KCNQ1: variants seen among roughly 807,000 people sequenced by gnomAD.
KCNQ1 encodes potassium voltage-gated channel subfamily Q member 1.
A neutral mutation model predicts 72.4 loss-of-function variants in KCNQ1; 49 were observed. That is an observed-to-expected ratio of 0.68 (90% CI 0.54 to 0.86). The LOEUF is 0.86. Ranked by LOEUF, KCNQ1 falls within the 40% of genes least tolerant of loss-of-function variation. The pLI is 0.00. For missense variants in KCNQ1, 790 were observed against 945.1 expected (o/e 0.84, Z 2.15); for synonymous variants, 450 against 412.6 (o/e 1.09, Z -1.10).
chr11:2,777,177 G>T, intron 14 of KCNQ1, 145 bp downstream of exon 14: 1 of 833,838 alleles, frequency 1.2e-6, no homozygotes. Flanking sequence ...AGGGAGTAAG[G>T]GGAGGTAGAC....
intron 1 of KCNQ1, among the ~76,000 whole-genome samples, chr11:2,474,124 C>T (rs573351120): frequency 6.6e-6 from 1 of 152,178 alleles, no homozygotes; most frequent in East Asian, 1.9e-4. Flanking sequence ...AACAGGCTTT[C>T]CTCACTGAGG....
intron 11 of KCNQ1, among the ~76,000 whole-genome samples, chr11:2,733,810 A>T (rs1156747066): frequency 0.084 from 4,860 of 57,636 alleles, 394 homozygotes; most frequent in African/African-American, 0.22. Context: ...ACACACACAC[A>T]CACACTCTCT....
intron 11 of KCNQ1, chr11:2,692,762 T>C (rs1288519733): frequency 8.3e-5 from 33 of 398,568 alleles, no homozygotes. Context: ...GGCCAGGGTC[T>C]AGTACCTGCT....
intron 11 of KCNQ1, among the ~76,000 whole-genome samples, chr11:2,718,103 C>T (rs577674478): frequency 3.3e-5 from 5 of 152,324 alleles, no homozygotes; most frequent in African/African-American, 7.2e-5. Context: ...TTGACACCCG[C>T]GTGCCCCGTC....
rs79209283 is a variant in KCNQ1 at position 2,591,435 on chromosome 11, C to T, written c.1393+2581C>T. Reference sequence around the variant, plus strand: ...CCCCCGGGACGTGCTCCCGCCTGCCCGCTGGAGCCGGCACAAAGGGCGATT... The same window carrying T: ...CCCCCGGGACGTGCTCCCGCCTGCCTGCTGGAGCCGGCACAAAGGGCGATT... On this transcript the variant is annotated intron_variant, in intron 10 of 15. Coordinates refer to ENST00000155840, the MANE Select transcript of KCNQ1 (RefSeq NM_000218.3). Among the ~76,000 whole-genome samples the T allele has an allele frequency of 8.5e-3, 1,300 of 152,350 alleles. 13 individuals are homozygous for T. The highest frequency in any genetic ancestry group is 0.029 in the African/African-American group (1,217 of 41,574).
chr11:2,656,619 T>C (rs1849852615), intron 10 of KCNQ1: 5 of 398,690 alleles, frequency 1.3e-5, no homozygotes, highest in Non-Finnish European at 1.8e-5. Context: ...CATTTTCTAT[T>C]AAGTCATTTA....
Position 2,647,608 on chromosome 11 carries a change from T to A in KCNQ1, c.1394-14353T>A. On this transcript the variant is annotated intron_variant, in intron 10 of 15. Transcript: ENST00000155840. The surrounding 1 kb of genome is among the most constrained non-coding windows in gnomAD (Gnocchi z 4.0). ...TCTTTAAAGGTTTGGTAGAATTCAG[T>A]AGAAAACCCGTGCAATCCTGAGGTT... The A allele has an allele frequency of 2.5e-6, 1 of 398,588 alleles. No homozygotes were observed. The allele number at this position is 398,588 out of a possible 1,614,324, so 24.7% of individuals were successfully genotyped here. A position where few individuals can be genotyped will look rare whatever the true frequency, so the allele number is the denominator to read the frequency against.
rs1488188873 is a variant in KCNQ1, at chr11:2,571,347, C to T, written c.627C>T (p.Ser209=). The change falls in exon 4 of 16, where the codon TCC becomes TCT. Residue 209 remains serine (S), a synonymous_variant. Coordinates refer to ENST00000155840, the MANE Select transcript of KCNQ1 (RefSeq NM_000218.3). ...SIIDLIVVVA[S]MVVLCVGSKG... is the part of the protein sequence containing the mutation. ...CAGACCTCATCGTGGTCGTGGCCTC[C>T]ATGGTGGTCCTCTGCGTGGGCTCCA... 1.9e-6 allele frequency: 3 copies of T among 1,613,314 alleles called. No homozygotes were observed. The highest frequency in any genetic ancestry group is 2.2e-5 in the East Asian group (1 of 44,864).
chr11:2,570,803 G>A lies in KCNQ1; in HGVS notation c.604+49G>A, dbSNP rs200068710. 2.7e-3 allele frequency: 4,348 copies of A among 1,603,520 alleles called. 8 individuals are homozygous for A. The highest frequency in any genetic ancestry group is 3.4e-3 in the Non-Finnish European group (3,960 of 1,179,662). On this transcript the variant is annotated intron_variant, in intron 3 of 15. Coordinates refer to ENST00000155840, the MANE Select transcript of KCNQ1 (RefSeq NM_000218.3). ...GGTCACGCCCAGGTTTCCAGACCAG[G>A]AAGGACCCCCACCTCATGACCCCTA...
At position 2,671,005 on chromosome 11, in the gene KCNQ1, C is replaced by T. The variant is rs1463145095; in HGVS notation, c.1514+8924C>T. 3.3e-5 allele frequency: 13 copies of T among 398,454 alleles called. No homozygotes were observed. The highest frequency in any genetic ancestry group is 8.8e-5 in the Admixed American group (2 of 22,710). 24.7% of individuals were successfully genotyped at this position (398,454 alleles called of 1,614,324 possible). A position where few individuals can be genotyped will look rare whatever the true frequency, so the allele number is the denominator to read the frequency against. On this transcript the variant is annotated intron_variant, in intron 11 of 15. Coordinates refer to ENST00000155840, the MANE Select transcript of KCNQ1 (RefSeq NM_000218.3). This position sits in a 1 kb window ranked among gnomAD's most constrained non-coding sequence, Gnocchi z 4.7. ...GCATTCATGCTTTAGATATGTGGGC[C>T]CTGTTAGGGACAACGTAGGTGTCCT...
rs573414323 is a variant in KCNQ1 at position 2,509,624 on chromosome 11, G to A, written c.387-18304G>A. Among the ~76,000 whole-genome samples, 6 of 152,182 alleles carry A rather than the reference G, an allele frequency of 3.9e-5. No homozygotes were observed. The highest frequency in any genetic ancestry group is 1.3e-4 in the Admixed American group (2 of 15,284). On this transcript the variant is annotated intron_variant, in intron 1 of 15. Coordinates refer to ENST00000155840, the MANE Select transcript of KCNQ1 (RefSeq NM_000218.3). This position sits in a 1 kb window ranked among gnomAD's most constrained non-coding sequence, Gnocchi z 6.3. The stretch of plus-strand genomic sequence containing the variant: ...GCAGGTCGTGGTCCCAGATGGCCAC[G>A]GAGGTGTCAGCGTTTCACTCCCAGC...
Position 2,612,423 on chromosome 11 carries a change from C to G in KCNQ1, c.1393+23569C>G. 2.5e-6 allele frequency: 1 copy of G among 398,602 alleles called. No homozygotes were observed. The highest frequency in any genetic ancestry group is 4.4e-6 in the Non-Finnish European group (1 of 226,068). The allele number at this position is 398,602 out of a possible 1,614,324, so 24.7% of individuals were successfully genotyped here. ...TTATGGTATCCAATGGGTATCTCTT[C>G]ATTTTTCTTCATTATTTTTCTTTCT... On this transcript the variant is annotated intron_variant, in intron 10 of 15. Transcript: ENST00000155840. This position sits in a 1 kb window ranked among gnomAD's most constrained non-coding sequence, Gnocchi z 5.5.
intron 15 of KCNQ1, among the ~76,000 whole-genome samples, chr11:2,791,034 G>A (rs1231753886): frequency 6.6e-6 from 1 of 152,210 alleles, no homozygotes; most frequent in Non-Finnish European, 1.5e-5. Flanking sequence ...GGGGACAGTT[G>A]CCACCCTCAA....
chr11:2,464,894 C>G lies in KCNQ1; in HGVS notation c.386+19410C>G, dbSNP rs1417676595. Among the ~76,000 whole-genome samples, 2 of 152,182 alleles carry G rather than the reference C, an allele frequency of 1.3e-5. No individual in the cohort carries two copies. The highest frequency in any genetic ancestry group is 3.9e-4 in the East Asian group (2 of 5,184). The stretch of plus-strand genomic sequence containing the variant: ...GTGTGTTAAGGTAGTTCAAAGTCCT[C>G]CTGCCCGAGGAAGTAAGACAGCAAT... On this transcript the variant is annotated intron_variant, in intron 1 of 15. Coordinates refer to ENST00000155840, the MANE Select transcript of KCNQ1 (RefSeq NM_000218.3). This position sits in a 1 kb window ranked among gnomAD's most constrained non-coding sequence, Gnocchi z 5.0.
chr11:2,733,814 A>ACACACACACACACACACTCTCTCTCT, intron 11 of KCNQ1, among the ~76,000 whole-genome samples: 3 of 86,652 alleles, frequency 3.5e-5, no homozygotes, highest in Non-Finnish European at 4.8e-5. Context: ...ACACACACAC[A>ACACACACACACACACACTCTCTCTCT]CTCTCTCACT....
rs1473529792 is a variant in KCNQ1, at chr11:2,617,112, G to A, written c.1393+28258G>A. ...GAGAAAAGCTATGATCTACTCAATT[G>A]GCAAAAATTCCAAATGCAATATACT... On this transcript the variant is annotated intron_variant, in intron 10 of 15. Coordinates refer to ENST00000155840, the MANE Select transcript of KCNQ1 (RefSeq NM_000218.3). The surrounding 1 kb of genome is among the most constrained non-coding windows in gnomAD (Gnocchi z 4.6). 1.0e-5 allele frequency: 4 copies of A among 397,964 alleles called. No individual in the cohort carries two copies. The East Asian group carries it at 1.4e-4, about 14-fold the overall frequency. 24.7% of individuals were successfully genotyped at this position (397,964 alleles called of 1,614,324 possible).
rs2133774732 is a variant in KCNQ1 at position 2,599,578 on chromosome 11, C to CCT, written c.1393+10724_1393+10725insCT. Among the ~76,000 whole-genome samples the CCT allele has an allele frequency of 6.6e-6, 1 of 152,318 alleles. No homozygotes were observed. The highest frequency in any genetic ancestry group is 2.4e-5 in the African/African-American group (1 of 41,570). On this transcript the variant is annotated intron_variant, in intron 10 of 15. Coordinates refer to ENST00000155840, the MANE Select transcript of KCNQ1 (RefSeq NM_000218.3). This position sits in a 1 kb window ranked among gnomAD's most constrained non-coding sequence, Gnocchi z 4.7. Reference sequence around the variant, plus strand: ...CTAGGACTGCCATAACAAAATACCACAGGCTGGGTGGCTTAGACAGCAGAC... The same window carrying CCT: ...CTAGGACTGCCATAACAAAATACCACCTAGGCTGGGTGGCTTAGACAGCAGAC...
chr11:2,753,027 C>T (rs968767083), intron 11 of KCNQ1, among the ~76,000 whole-genome samples: 4 of 152,162 alleles, frequency 2.6e-5, no homozygotes, highest in Non-Finnish European at 5.9e-5. Flanking sequence ...GACGTAAGAA[C>T]CACACATGCT....
rs537549929 is a variant in KCNQ1 at position 2,459,685 on chromosome 11, C to A, written c.386+14201C>A. On this transcript the variant is annotated intron_variant, in intron 1 of 15. Transcript: ENST00000155840. Reference sequence around the variant, plus strand: ...GACCGTGAGGGCGTGGTCCCTCCCCCCAGACCACCCCGGAGGCCCCCTCCG... The same window carrying A: ...GACCGTGAGGGCGTGGTCCCTCCCCACAGACCACCCCGGAGGCCCCCTCCG... Among the ~76,000 whole-genome samples the A allele has an allele frequency of 3.3e-5, 5 of 152,188 alleles. No homozygotes were observed. In the East Asian group the frequency reaches 7.8e-4, roughly 24 times the overall value.
Sources: allele counts gnomAD v4.1 joint callset (sites outside exome capture counted in the v4.1 genomes callset), GRCh38; gene constraint gnomAD v4.1.1; non-coding constraint Gnocchi (gnomAD v3.1); transcripts MANE v1.5; gene names NCBI Gene and HGNC (gene_info 2026-07-23, HGNC 2026-07-21).